NHERF4: variants seen among roughly 807,000 people sequenced by gnomAD.
NHERF4 encodes NHERF family PDZ scaffold protein 4.
chr11:119,185,834 C>T, the NHERF4 span: 1 of 1,574,664 alleles, frequency 6.4e-7, no homozygotes, highest in Admixed American at 1.7e-5. Context: ...TGGGGGTTTC[C>T]CTGAGTCCTT....
the NHERF4 span, chr11:119,186,772 G>C: frequency 4.3e-5 from 57 of 1,340,822 alleles, no homozygotes; most frequent in Non-Finnish European, 4.9e-5. This position sits in a 1 kb window ranked among gnomAD's most constrained non-coding sequence, Gnocchi z 4.4. Flanking sequence ...TATGGCAGCA[G>C]GGCACAAGCC....
chr11:119,185,875 G>T, the NHERF4 span: 1 of 1,612,280 alleles, frequency 6.2e-7, no homozygotes, highest in South Asian at 1.1e-5. Context: ...AGGCACATCT[G>T]GGGAGAAGAA....
chr11:119,186,861 G>A, the NHERF4 span, among the ~76,000 whole-genome samples: 2 of 152,170 alleles, frequency 1.3e-5, no homozygotes, highest in Non-Finnish European at 2.9e-5. The surrounding 1 kb of genome is among the most constrained non-coding windows in gnomAD (Gnocchi z 4.4). Context: ...GATTCCCGCT[G>A]GGCGCAGTGG....
the NHERF4 span, chr11:119,185,738 G>C: frequency 1.2e-6 from 1 of 840,672 alleles, no homozygotes; most frequent in Non-Finnish European, 2.0e-6. Flanking sequence ...GAGAGAAAGG[G>C]AGGGGACCGC....
the NHERF4 span, chr11:119,187,384 C>T: frequency 6.2e-7 from 1 of 1,614,060 alleles, no homozygotes; most frequent in Non-Finnish European, 8.5e-7. Context: ...CTGTCCCACC[C>T]TAGGCCCAGG....
At chr11:119,188,799 G>A in the NHERF4 span, 1 of 1,614,194 alleles carries the variant, frequency 6.2e-7, no homozygotes, top group Non-Finnish European at 8.5e-7. Context: ...CCTGTACCCT[G>A]GGCCTGGTGG....
the NHERF4 span, chr11:119,188,738 A>T: frequency 1.2e-6 from 2 of 1,614,146 alleles, no homozygotes; most frequent in East Asian, 4.5e-5. Flanking sequence ...AGGACCCTTC[A>T]CTTGAAGACA....
At chr11:119,188,659 T>C in the NHERF4 span, 1 of 1,614,130 alleles carries the variant, frequency 6.2e-7, no homozygotes, top group Non-Finnish European at 8.5e-7. Context: ...TCCCCACTCC[T>C]CTTCTTGGAG....
At chr11:119,188,167 GT>G in the NHERF4 span, 2 of 1,518,820 alleles carry the variant, frequency 1.3e-6, no homozygotes, top group Non-Finnish European at 1.8e-6. Flanking sequence ...CCTGGGGGCG[GT>G]GGGGGAAGGT....
At chr11:119,189,978 G>A in the NHERF4 span, 2 of 369,848 alleles carry the variant, frequency 5.4e-6, no homozygotes, top group Admixed American at 8.4e-5. This position sits in a 1 kb window ranked among gnomAD's most constrained non-coding sequence, Gnocchi z 5.8. Context: ...TGTTGGTGGG[G>A]GTAAGGGGCA....
chr11:119,186,744 G>C, the NHERF4 span: 1 of 1,509,668 alleles, frequency 6.6e-7, no homozygotes, highest in Non-Finnish European at 8.9e-7. The surrounding 1 kb of genome is among the most constrained non-coding windows in gnomAD (Gnocchi z 4.4). Flanking sequence ...GAAGCGGGTT[G>C]CTCAGTCCCC....
the NHERF4 span, chr11:119,187,433 G>A: frequency 1.2e-6 from 2 of 1,614,104 alleles, no homozygotes; most frequent in East Asian, 4.5e-5. Context: ...AAAGATGAGG[G>A]TGGTTTTGGC....
the NHERF4 span, chr11:119,188,017 G>A: frequency 6.4e-7 from 1 of 1,561,674 alleles, no homozygotes; most frequent in Admixed American, 1.9e-5. Flanking sequence ...AGCTGGGATT[G>A]CCCCTGGCTG....
the NHERF4 span, chr11:119,188,134 C>T: frequency 4.7e-5 from 73 of 1,542,340 alleles, no homozygotes; most frequent in South Asian, 2.6e-4. Flanking sequence ...AGGGCCTTGA[C>T]GGTCGCCCTG....
chr11:119,189,061 G>C, the NHERF4 span: 4 of 1,614,026 alleles, frequency 2.5e-6, no homozygotes, highest in Non-Finnish European at 3.4e-6. This position sits in a 1 kb window ranked among gnomAD's most constrained non-coding sequence, Gnocchi z 5.8. Context: ...ACGTGATTCT[G>C]GAAGTGAACG....
the NHERF4 span, chr11:119,186,442 C>G: frequency 6.2e-7 from 1 of 1,610,132 alleles, no homozygotes; most frequent in East Asian, 2.2e-5. This position sits in a 1 kb window ranked among gnomAD's most constrained non-coding sequence, Gnocchi z 4.4. Flanking sequence ...GCTGTGCCCT[C>G]TCCTCCCCCT....
chr11:119,185,923 A>T, the NHERF4 span: 2 of 1,614,140 alleles, frequency 1.2e-6, no homozygotes, highest in Non-Finnish European at 1.7e-6. Flanking sequence ...TTTGCCCAGT[A>T]GATCTGCAGG....
the NHERF4 span, chr11:119,186,299 G>C: frequency 1.3e-6 from 2 of 1,594,550 alleles, no homozygotes; most frequent in South Asian, 2.2e-5. This position sits in a 1 kb window ranked among gnomAD's most constrained non-coding sequence, Gnocchi z 4.4. Flanking sequence ...AGAGATAGGA[G>C]GGGCCGGGTG....
chr11:119,187,385 T>G, the NHERF4 span: 1 of 1,613,914 alleles, frequency 6.2e-7, no homozygotes, highest in Non-Finnish European at 8.5e-7. Flanking sequence ...TGTCCCACCC[T>G]AGGCCCAGGG....
Sources: gnomAD v4.1 joint callset for allele counts (sites outside exome capture counted in the v4.1 genomes callset) on GRCh38, gnomAD v4.1.1 for gene constraint, Gnocchi (gnomAD v3.1) non-coding constraint, MANE v1.5 for transcripts, NCBI Gene and HGNC (gene_info 2026-07-23, HGNC 2026-07-21) for gene names.